Variants in DIPK1A observed in about 807,000 individuals in gnomAD.
DIPK1A encodes the protein divergent protein kinase domain 1A.
DIPK1A carries 27 observed loss-of-function variants against 40.8 expected under a neutral mutation model. The observed-to-expected ratio is 0.66, with a 90% CI of 0.49 to 0.91. DIPK1A has a LOEUF of 0.91. Among genes scored for constraint, DIPK1A ranks in the 40% least tolerant of loss-of-function variants. DIPK1A has a pLI of 0.00. For missense variants in DIPK1A, 412 were observed against 505.7 expected (o/e 0.81, Z 1.78); for synonymous variants, 166 against 171.3 (o/e 0.97, Z 0.24).
intron 1 of DIPK1A, among the ~76,000 whole-genome samples, chr1:92,915,180 C>T (rs928017061): frequency 5.3e-5 from 8 of 151,484 alleles, no homozygotes; most frequent in African/African-American, 2.4e-5. Context: ...TTCCATTTTC[C>T]TTCTTTATCT....
At chr1:92,919,798 T>C (rs1258302516) in intron 1 of DIPK1A, among the ~76,000 whole-genome samples, 1 of 152,226 alleles carries the variant, frequency 6.6e-6, no homozygotes, top group Non-Finnish European at 1.5e-5. Context: ...CATTTCCATA[T>C]ATCTAAGGGA....
At position 92,834,364 on chromosome 1, in the gene DIPK1A, T is replaced by C. The variant is rs1339544734; in HGVS notation, c.475-1330A>G. On this transcript the variant is annotated intron_variant, in intron 4 of 4. Transcript: ENST00000615519. Reference sequence around the variant, plus strand: ...TTTTGCTCTTGTACTAAGAGCATTCTCACTGGACTCTGAAAGCTAGAATCC... The same window carrying C: ...TTTTGCTCTTGTACTAAGAGCATTCCCACTGGACTCTGAAAGCTAGAATCC... Among the ~76,000 whole-genome samples the C allele has an allele frequency of 2.0e-5, 3 of 152,356 alleles. 1 individual carries two copies. Among genetic ancestry groups the C allele is most frequent in the African/African-American group, 4.8e-5 (2 of 41,578 alleles).
chr1:92,890,950 T>C (rs1032694419), intron 1 of DIPK1A, among the ~76,000 whole-genome samples: 4 of 152,186 alleles, frequency 2.6e-5, no homozygotes, highest in Admixed American at 6.5e-5. Context: ...GGCCTTTTTA[T>C]GATAGGAAAC....
chr1:92,898,299 G>A (rs1378733204), intron 1 of DIPK1A, among the ~76,000 whole-genome samples: 1 of 152,050 alleles, frequency 6.6e-6, no homozygotes, highest in East Asian at 1.9e-4. Context: ...GAAGGGGGAA[G>A]TGCTACACAC....
At chr1:92,956,933 A>C (rs145658888) in intron 1 of DIPK1A, among the ~76,000 whole-genome samples, 1 of 152,358 alleles carries the variant, frequency 6.6e-6, no homozygotes, top group Non-Finnish European at 1.5e-5. Context: ...AAAGGACCCA[A>C]GTACATGGGA....
At chr1:92,938,895 C>A (rs750781017) in intron 1 of DIPK1A, among the ~76,000 whole-genome samples, 4 of 152,120 alleles carry the variant, frequency 2.6e-5, no homozygotes, top group African/African-American at 4.8e-5. Flanking sequence ...TGTCAGAATT[C>A]TTTCTACTTT....
chr1:92,906,761 C>T (rs965729620), intron 1 of DIPK1A, among the ~76,000 whole-genome samples: 7 of 152,100 alleles, frequency 4.6e-5, no homozygotes, highest in African/African-American at 9.7e-5. Flanking sequence ...GCTCTTTTCA[C>T]GATGCCATGG....
At chr1:92,858,864 A>G (rs1688073771) in intron 2 of DIPK1A, among the ~76,000 whole-genome samples, 1 of 152,220 alleles carries the variant, frequency 6.6e-6, no homozygotes, top group Admixed American at 6.5e-5. Flanking sequence ...AACTGTAATT[A>G]CTGTCAGTAA....
intron 1 of DIPK1A, among the ~76,000 whole-genome samples, chr1:92,899,987 T>C (rs1470600921): frequency 2.6e-5 from 4 of 152,184 alleles, no homozygotes; most frequent in African/African-American, 9.6e-5. Context: ...CAGAGAAATC[T>C]GCTGTTAGTC....
chr1:92,960,650 CAT>C (rs1480434040), intron 1 of DIPK1A, among the ~76,000 whole-genome samples: 3 of 152,204 alleles, frequency 2.0e-5, no homozygotes, highest in African/African-American at 7.2e-5. Context: ...GTACACACGA[CAT>C]GACTGAGAAT....
chr1:92,851,710 C>T (rs1177287177), intron 2 of DIPK1A, among the ~76,000 whole-genome samples: 2 of 152,050 alleles, frequency 1.3e-5, no homozygotes, highest in African/African-American at 4.8e-5. Flanking sequence ...ACCCTAGGCA[C>T]AATAAATGAG....
downstream of DIPK1A, chr1:92,837,224 G>T: frequency 1.4e-6 from 1 of 701,144 alleles, no homozygotes; most frequent in Non-Finnish European, 2.7e-6. Flanking sequence ...GAAAGCCTTG[G>T]TAATGGCTTT....
rs1687471513 is a variant in DIPK1A, at chr1:92,843,693, A to G, written c.977T>C (p.Ile326Thr). Residue 326 changes from isoleucine (I) to threonine (T), a missense_variant, in exon 5 of 5, where the codon ATT becomes ACT. Transcript: ENST00000370310. The part of the protein sequence containing the change: ...IVPETNLKEL[I>T]KDRHCESDLD... ...ATCAGACTCACAGTGACGATCCTTA[A>G]TAAGTTCTTTCAGGTTTGTCTCTGG... The G allele has an allele frequency of 6.4e-7, 1 of 1,550,836 alleles. No homozygotes were observed. Among genetic ancestry groups the G allele is most frequent in the Non-Finnish European group, 8.7e-7 (1 of 1,146,186 alleles).
rs1649683649 is a variant in DIPK1A, at chr1:92,907,865, T to A, written c.55-31435A>T. 2.0e-5 allele frequency among the ~76,000 whole-genome samples: 3 copies of A among 152,236 alleles called. No homozygotes were observed. The South Asian group carries it at 6.2e-4, about 32-fold the overall frequency. ...TAAATTCGATCTTGATAAGAAAATT[T>A]TAAAAATATATATTTTTTTGAGACA... On this transcript the variant is annotated intron_variant, in intron 1 of 4. Coordinates refer to ENST00000370310, the MANE Select transcript of DIPK1A (RefSeq NM_001006605.5).
chr1:92,842,819 C>G lies in DIPK1A; in HGVS notation c.*564G>C, dbSNP rs757656957. On this transcript the variant is annotated 3_prime_UTR_variant, in exon 5 of 5. Transcript: ENST00000370310. Reference sequence around the variant, plus strand: ...GTAAGCCACTTGAACCATTGTGAAGCTACACATAACTTGATGTCTGAATGA... The same window carrying G: ...GTAAGCCACTTGAACCATTGTGAAGGTACACATAACTTGATGTCTGAATGA... The G allele has an allele frequency of 1.0e-6, 1 of 985,420 alleles. No homozygotes were observed. The highest frequency in any genetic ancestry group is 1.2e-6 in the Non-Finnish European group (1 of 829,944). The allele number at this position is 985,420 out of a possible 1,614,324, so 61.0% of individuals were successfully genotyped here.
intron 3 of DIPK1A, among the ~76,000 whole-genome samples, chr1:92,849,478 G>T (rs1687741898): frequency 6.6e-6 from 1 of 151,722 alleles, no homozygotes; most frequent in Non-Finnish European, 1.5e-5. Context: ...CTCCCGAGTA[G>T]CTGGGACCAT....
At chr1:92,902,925 T>C (rs550615228) in intron 1 of DIPK1A, among the ~76,000 whole-genome samples, 1 of 152,352 alleles carries the variant, frequency 6.6e-6, no homozygotes, top group Non-Finnish European at 1.5e-5. Context: ...GCCATCTTGC[T>C]GATGTCACTT....
At chr1:92,909,694 A>T (rs1649756220) in intron 1 of DIPK1A, among the ~76,000 whole-genome samples, 2 of 152,102 alleles carry the variant, frequency 1.3e-5, no homozygotes, top group South Asian at 4.1e-4. Context: ...TGTAGAGCAG[A>T]GAGTGTCACT....
downstream of DIPK1A, among the ~76,000 whole-genome samples, chr1:92,839,592 G>T (rs1377704636): frequency 6.6e-6 from 1 of 152,182 alleles, no homozygotes; most frequent in Non-Finnish European, 1.5e-5. Context: ...AGATGAATTT[G>T]CTTGTTGGCC....
Sources: allele counts gnomAD v4.1 joint callset (sites outside exome capture counted in the v4.1 genomes callset), GRCh38; gene constraint gnomAD v4.1.1; transcripts MANE v1.5; gene names NCBI Gene and HGNC (gene_info 2026-07-23, HGNC 2026-07-21).